ETV6: variants seen among roughly 807,000 people sequenced by gnomAD.
ETV6 encodes transcription factor ETV6.
A neutral mutation model predicts 51.1 loss-of-function variants in ETV6; 16 were observed. That is an observed-to-expected ratio of 0.31 (90% CI 0.21 to 0.48). The LOEUF (loss-of-function observed/expected upper bound fraction) is 0.48, where lower values mean the gene tolerates loss of function less well. Among genes scored for constraint, ETV6 ranks in the 20% least tolerant of loss-of-function variants. ETV6 has a pLI of 0.99. For synonymous variants in ETV6, 240 were observed against 224.1 expected (o/e 1.07, Z -0.64); for missense variants, 458 against 594.8 (o/e 0.77, Z 2.39).
At position 11,874,694 on chromosome 12, in the gene ETV6, GTATATA is replaced by G. The variant is rs1290775440; in HGVS notation, c.1009+4727_1009+4732del. Among the ~76,000 whole-genome samples, 846 of 140,654 alleles carry G rather than the reference GTATATA, an allele frequency of 6.0e-3. 67 individuals carry two copies. Among genetic ancestry groups the G allele is most frequent in the African/African-American group, 0.022 (793 of 36,770 alleles). 92.3% of individuals were successfully genotyped at this position (140,654 alleles called of 152,430 possible). ...TATGTGTGTATATATGTATATGTGT[GTATATA>G]TGTATATATGTATATGTGTATATAT... is the stretch of plus-strand genomic sequence containing the variant. On this transcript the variant is annotated intron_variant, in intron 5 of 7. Coordinates refer to ENST00000396373, the MANE Select transcript of ETV6 (RefSeq NM_001987.5).
chr12:11,704,775 T>TTG (rs58321366), intron 1 of ETV6, among the ~76,000 whole-genome samples: 6,741 of 149,102 alleles, frequency 0.045, 215 homozygotes, highest in East Asian at 0.091. Flanking sequence ...TCACAGGGGT[T>TTG]TGTGTGTGTG....
intron 2 of ETV6, among the ~76,000 whole-genome samples, chr12:11,815,172 C>T (rs1945973077): frequency 1.3e-5 from 2 of 152,162 alleles, no homozygotes; most frequent in African/African-American, 4.8e-5. Flanking sequence ...TCCATGGCCT[C>T]ATTTGATCTC....
chr12:11,744,099 G>A (rs1004385460), intron 1 of ETV6, among the ~76,000 whole-genome samples: 3 of 152,158 alleles, frequency 2.0e-5, no homozygotes, highest in Admixed American at 1.3e-4. Context: ...TCCACTGTGA[G>A]GGAACGTACA....
chr12:11,842,848 C>T (rs990208168), intron 3 of ETV6, among the ~76,000 whole-genome samples: 2 of 152,156 alleles, frequency 1.3e-5, no homozygotes, highest in Non-Finnish European at 2.9e-5. Context: ...CAAAATAATA[C>T]TCAGGCACAA....
In ETV6 at chr12:11,893,770, T is replaced by C; in HGVS notation, c.*2724T>C. ...AAATGAATTTTGTGTTTAGACTTTGTGTCCATCCCCAAGATCTCTCATTTT... is the reference window on the plus strand; with the variant it reads ...AAATGAATTTTGTGTTTAGACTTTGCGTCCATCCCCAAGATCTCTCATTTT... On this transcript the variant is annotated 3_prime_UTR_variant, in exon 8 of 8. Coordinates refer to ENST00000396373, the MANE Select transcript of ETV6 (RefSeq NM_001987.5). 1 of 177,846 alleles carries C rather than the reference T, an allele frequency of 5.6e-6. No homozygotes were observed. Among genetic ancestry groups the C allele is most frequent in the Non-Finnish European group, 1.1e-5 (1 of 87,856 alleles). The allele number at this position is 177,846 out of a possible 1,614,324, so 11.0% of individuals were successfully genotyped here.
chr12:11,742,473 A>C lies in ETV6; in HGVS notation c.34-9977A>C, dbSNP rs193032537. Among the ~76,000 whole-genome samples the C allele has an allele frequency of 3.7e-3, 567 of 152,314 alleles. 3 individuals carry two copies. Among genetic ancestry groups the C allele is most frequent in the African/African-American group, 0.013 (527 of 41,560 alleles). ...CAAGGTGATTATGACTTCTGGAAAA[A>C]ATTTTTTTAAAGGAAACACAGGTGT... On this transcript the variant is annotated intron_variant, in intron 1 of 7. Transcript: ENST00000396373.
chr12:11,842,094 A>AAG (rs1565547421), intron 3 of ETV6, among the ~76,000 whole-genome samples: 1 of 151,626 alleles, frequency 6.6e-6, no homozygotes, highest in Non-Finnish European at 1.5e-5. Flanking sequence ...AAAAAAAAAA[A>AAG]AAAAGAAGAA....
chr12:11,861,235 TC>T (rs1369720706), intron 4 of ETV6, among the ~76,000 whole-genome samples: 1 of 152,188 alleles, frequency 6.6e-6, no homozygotes, highest in South Asian at 2.1e-4. Flanking sequence ...GATCTTGACT[TC>T]CTGCCCTCCC....
intron 2 of ETV6, among the ~76,000 whole-genome samples, chr12:11,773,062 C>T (rs576151790): frequency 1.3e-5 from 2 of 151,884 alleles, no homozygotes; most frequent in African/African-American, 4.8e-5. Context: ...GGTGTGGTGG[C>T]GGACACCTGT....
intron 4 of ETV6, among the ~76,000 whole-genome samples, chr12:11,857,557 C>T (rs1243776551): frequency 6.6e-6 from 1 of 152,050 alleles, no homozygotes; most frequent in Non-Finnish European, 1.5e-5. Flanking sequence ...TTAGGTTAAC[C>T]TTATAATTTT....
chr12:11,679,464 G>A (rs1332454292), intron 1 of ETV6, among the ~76,000 whole-genome samples: 1 of 152,234 alleles, frequency 6.6e-6, no homozygotes, highest in Non-Finnish European at 1.5e-5. Context: ...AAGCTTGCTA[G>A]TTCTTCTCAC....
At chr12:11,709,525 A>G (rs1022136825) in intron 1 of ETV6, among the ~76,000 whole-genome samples, 2 of 152,260 alleles carry the variant, frequency 1.3e-5, no homozygotes, top group Middle Eastern at 3.4e-3. Flanking sequence ...TTCTTTGGAA[A>G]TCTAGTAATT....
chr12:11,863,704 C>T (rs2136522472), intron 4 of ETV6, among the ~76,000 whole-genome samples: 1 of 152,354 alleles, frequency 6.6e-6, no homozygotes, highest in South Asian at 2.1e-4. Context: ...CCACTGTCCG[C>T]TCAGTGCATT....
At chr12:11,757,255 C>T (rs953119069) in intron 2 of ETV6, among the ~76,000 whole-genome samples, 3 of 152,078 alleles carry the variant, frequency 2.0e-5, no homozygotes, top group Admixed American at 6.5e-5. Context: ...AACATTACCT[C>T]GCTGCTCACC....
At chr12:11,749,228 C>T (rs1438719466) in intron 1 of ETV6, among the ~76,000 whole-genome samples, 1 of 150,176 alleles carries the variant, frequency 6.7e-6, no homozygotes. Context: ...CTGTCTGTAG[C>T]ATTTTAATTT....
chr12:11,877,107 A>G (rs1946998811), intron 5 of ETV6, among the ~76,000 whole-genome samples: 1 of 152,202 alleles, frequency 6.6e-6, no homozygotes. Flanking sequence ...TATATATACA[A>G]AGATTCAATT....
intron 2 of ETV6, among the ~76,000 whole-genome samples, chr12:11,767,037 A>T (rs757819059): frequency 8.5e-5 from 13 of 152,180 alleles, no homozygotes; most frequent in Non-Finnish European, 5.9e-5. Context: ...TCTTTAATGG[A>T]ACAGGCTAGG....
intron 2 of ETV6, among the ~76,000 whole-genome samples, chr12:11,767,190 G>A (rs979145200): frequency 2.0e-5 from 3 of 152,190 alleles, no homozygotes; most frequent in African/African-American, 7.2e-5. Flanking sequence ...AACCAGCAAT[G>A]TAACCTTGAA....
chr12:11,818,540 A>G (rs1197441455), intron 2 of ETV6, among the ~76,000 whole-genome samples: 2 of 151,914 alleles, frequency 1.3e-5, no homozygotes, highest in Non-Finnish European at 2.9e-5. Flanking sequence ...TCAAAAAAAA[A>G]AAAAAAAAAG....
Sources: allele counts gnomAD v4.1 joint callset (sites outside exome capture counted in the v4.1 genomes callset), GRCh38; gene constraint gnomAD v4.1.1; transcripts MANE v1.5; gene names NCBI Gene and HGNC (gene_info 2026-07-23, HGNC 2026-07-21).